The following MAPK10 variants were observed in gnomAD, a reference collection of about 807,000 sequenced individuals.
MAPK10 encodes mitogen-activated protein kinase 10.
A neutral mutation model predicts 59.3 loss-of-function variants in MAPK10; 25 were observed. The ratio of observed to expected loss-of-function variants is 0.42; its 90% CI spans 0.31 to 0.59. The LOEUF is 0.59. Ranked by LOEUF, MAPK10 falls within the 20% of genes least tolerant of loss-of-function variation. The pLI, the probability that MAPK10 is intolerant of heterozygous loss-of-function variation, is 0.15. For missense variants in MAPK10, 351 were observed against 568.9 expected (o/e 0.62, Z 3.90); for synonymous variants, 190 against 200.5 (o/e 0.95, Z 0.44).
At chr4:86,398,859 T>C (rs1743315532) in intron 1 of MAPK10, among the ~76,000 whole-genome samples, 1 of 152,180 alleles carries the variant, frequency 6.6e-6, no homozygotes, top group African/African-American at 2.4e-5. Flanking sequence ...ATATGCAGCA[T>C]TTAGTTTTCT....
At chr4:86,191,073 C>G (rs1486761626) in intron 3 of MAPK10, among the ~76,000 whole-genome samples, 1 of 152,152 alleles carries the variant, frequency 6.6e-6, no homozygotes, top group African/African-American at 2.4e-5. Context: ...GTTTTTAAAT[C>G]CTGCATTCTA....
intron 2 of MAPK10, chr4:86,340,277 C>G: frequency 6.6e-6 from 1 of 152,314 alleles, no homozygotes; most frequent in Non-Finnish European, 1.5e-5. Flanking sequence ...CGTTTTCACT[C>G]TGCTATAAAG....
chr4:86,428,781 C>T (rs1456774534), intron 1 of MAPK10, among the ~76,000 whole-genome samples: 2 of 152,088 alleles, frequency 1.3e-5, no homozygotes, highest in African/African-American at 4.8e-5. Context: ...TCTCCTCACC[C>T]ACAAGGCATA....
At chr4:86,541,947 G>GCACACACACACA (rs10555824) in intron 1 of MAPK10, among the ~76,000 whole-genome samples, 9 of 140,376 alleles carry the variant, frequency 6.4e-5, no homozygotes, top group African/African-American at 1.3e-4. Context: ...GAATACACCG[G>GCACACACACACA]CACACACACA....
intron 3 of MAPK10, among the ~76,000 whole-genome samples, chr4:86,167,256 C>A (rs1239806038): frequency 1.3e-5 from 2 of 152,124 alleles, no homozygotes; most frequent in African/African-American, 4.8e-5. Context: ...AGCCCAGGAC[C>A]AGACAGATTC....
At chr4:86,186,839 C>T (rs926604778) in intron 3 of MAPK10, among the ~76,000 whole-genome samples, 5 of 152,052 alleles carry the variant, frequency 3.3e-5, no homozygotes, top group African/African-American at 1.2e-4. Flanking sequence ...CCCTAGGGAG[C>T]CTTCTCCTTA....
intron 2 of MAPK10, among the ~76,000 whole-genome samples, chr4:86,330,812 G>T (rs1015589923): frequency 6.6e-6 from 1 of 152,064 alleles, no homozygotes; most frequent in African/African-American, 2.4e-5. Flanking sequence ...ATTACTATAG[G>T]TTAATTTGAC....
At chr4:86,347,607 A>G (rs1728935181) in intron 2 of MAPK10, among the ~76,000 whole-genome samples, 1 of 152,188 alleles carries the variant, frequency 6.6e-6, no homozygotes, top group South Asian at 2.1e-4. Flanking sequence ...GGCAGCTTAT[A>G]AACAACAGAA....
chr4:86,056,626 T>C (rs1318105820), intron 11 of MAPK10, among the ~76,000 whole-genome samples: 1 of 149,940 alleles, frequency 6.7e-6, no homozygotes, highest in Non-Finnish European at 1.5e-5. Context: ...GATATTAGCT[T>C]TTACAGTAAA....
intron 3 of MAPK10, among the ~76,000 whole-genome samples, chr4:86,166,161 T>C (rs575082207): frequency 3.3e-5 from 5 of 152,326 alleles, no homozygotes; most frequent in Non-Finnish European, 7.3e-5. Context: ...GTCTAACAAA[T>C]TATTTCGTGT....
chr4:86,303,404 T>A (rs990429932), intron 2 of MAPK10, among the ~76,000 whole-genome samples: 1 of 152,148 alleles, frequency 6.6e-6, no homozygotes, highest in Admixed American at 6.5e-5. Context: ...ATGTGCTATA[T>A]GCTTGGCAAA....
chr4:86,285,518 A>G (rs1172061275), intron 2 of MAPK10, among the ~76,000 whole-genome samples: 1 of 151,980 alleles, frequency 6.6e-6, no homozygotes, highest in Non-Finnish European at 1.5e-5. Context: ...CCTGGCCTCT[A>G]AAAACACTTC....
At chr4:86,096,342 A>C (rs555620772) in intron 9 of MAPK10, among the ~76,000 whole-genome samples, 22 of 152,036 alleles carry the variant, frequency 1.4e-4, no homozygotes, top group Non-Finnish European at 2.5e-4. Flanking sequence ...AATTATCAAT[A>C]TGGTGCTTTG....
At chr4:86,194,672 A>C (rs2080869633) in intron 2 of MAPK10, among the ~76,000 whole-genome samples, 1 of 152,104 alleles carries the variant, frequency 6.6e-6, no homozygotes, top group Non-Finnish European at 1.5e-5. Context: ...CTAATAATTT[A>C]AAGGGAAATA....
chr4:86,527,456 T>A (rs1344012642), intron 1 of MAPK10, among the ~76,000 whole-genome samples: 6 of 150,524 alleles, frequency 4.0e-5, no homozygotes, highest in Non-Finnish European at 5.9e-5. Context: ...AAAACTACAA[T>A]GAGATACCAT....
chr4:86,537,562 T>C (rs1474849381), intron 1 of MAPK10, among the ~76,000 whole-genome samples: 1 of 152,140 alleles, frequency 6.6e-6, no homozygotes, highest in Non-Finnish European at 1.5e-5. Context: ...AAAATCTGAT[T>C]GTGACACGTC....
intron 13 of MAPK10, among the ~76,000 whole-genome samples, chr4:86,021,151 G>A (rs1032822828): frequency 6.6e-6 from 1 of 152,190 alleles, no homozygotes; most frequent in Admixed American, 6.5e-5. Flanking sequence ...GTGGATTGGT[G>A]CACTCACAAA....
At chr4:86,564,677 A>AC (rs773264997) in intron 1 of MAPK10, among the ~76,000 whole-genome samples, 2 of 152,048 alleles carry the variant, frequency 1.3e-5, no homozygotes, top group Non-Finnish European at 2.9e-5. Context: ...ATGAGGAGAT[A>AC]CCCCTTCCTC....
intron 2 of MAPK10, among the ~76,000 whole-genome samples, chr4:86,201,130 A>G (rs780158753): frequency 6.6e-6 from 1 of 151,812 alleles, no homozygotes. Flanking sequence ...ATTTCCCTTC[A>G]CATAACGTCC....
Sources: allele counts gnomAD v4.1 joint callset (sites outside exome capture counted in the v4.1 genomes callset), GRCh38; gene constraint gnomAD v4.1.1; transcripts MANE v1.5; gene names NCBI Gene and HGNC (gene_info 2026-07-23, HGNC 2026-07-21).